The following GNA13 variants were observed in gnomAD, a reference collection of about 807,000 sequenced individuals.
GNA13 encodes G protein subunit alpha 13.
GNA13 carries 4 observed loss-of-function variants against 33.5 expected under a neutral mutation model. That is an observed-to-expected ratio of 0.12 (90% CI 0.06 to 0.27). GNA13 has a LOEUF of 0.27. Ranked by LOEUF, GNA13 falls within the 10% of genes least tolerant of loss-of-function variation. The pLI, the probability that GNA13 is intolerant of heterozygous loss-of-function variation, is 1.00. For synonymous variants in GNA13, 176 were observed against 183.8 expected (o/e 0.96, Z 0.34); for missense variants, 319 against 487.2 (o/e 0.65, Z 3.25).
At chr17:65,037,916 A>C (rs571239442) in intron 2 of GNA13, among the ~76,000 whole-genome samples, 14 of 152,066 alleles carry the variant, frequency 9.2e-5, no homozygotes, top group South Asian at 6.2e-4. Flanking sequence ...TATCTCCTAG[A>C]TACAAACACC....
Position 65,051,240 on chromosome 17 carries a change from A to C in GNA13, c.510+2262T>G, listed in dbSNP as rs73341844. ...TTCTCTGACCTGGAAGGATGAATAG[A>C]GCCTGACAAAATTGAGTTGAAAGTG... On this transcript the variant is annotated intron_variant, in intron 2 of 3. Transcript: ENST00000439174. 6.4e-3 allele frequency among the ~76,000 whole-genome samples: 971 copies of C among 152,340 alleles called. 8 individuals carry two copies. Among genetic ancestry groups the C allele is most frequent in the Middle Eastern group, 0.02 (6 of 294 alleles).
At chr17:65,028,838 T>C (rs1906898730) in intron 2 of GNA13, among the ~76,000 whole-genome samples, 1 of 152,140 alleles carries the variant, frequency 6.6e-6, no homozygotes, top group African/African-American at 2.4e-5. Flanking sequence ...CCTACACACC[T>C]TCCAGAGAGC....
rs768924741 is a variant in GNA13 at position 65,047,636 on chromosome 17, CATTA to C, written c.510+5862_510+5865del. On this transcript the variant is annotated intron_variant, in intron 2 of 3. Coordinates refer to ENST00000439174, the MANE Select transcript of GNA13 (RefSeq NM_006572.6). Reference sequence around the variant, plus strand: ...AATATTTAAAGCAAATCCAAATTAGCATTAATTAATAAATGACTCTGATTCTTTT... The same window carrying C: ...AATATTTAAAGCAAATCCAAATTAGCATTAATAAATGACTCTGATTCTTTT... Among the ~76,000 whole-genome samples, 3 of 148,346 alleles carry C rather than the reference CATTA, an allele frequency of 2.0e-5. No individual in the cohort carries two copies. The East Asian group carries it at 6.0e-4, about 30-fold the overall frequency.
At chr17:65,029,584 G>A (rs758517388) in intron 2 of GNA13, among the ~76,000 whole-genome samples, 1 of 150,742 alleles carries the variant, frequency 6.6e-6, no homozygotes, top group Admixed American at 6.7e-5. Flanking sequence ...CCCAACTCTC[G>A]GTAATCATAC....
At chr17:65,024,594 A>G (rs1906705578) in intron 2 of GNA13, among the ~76,000 whole-genome samples, 1 of 152,192 alleles carries the variant, frequency 6.6e-6, no homozygotes, top group South Asian at 2.1e-4. Flanking sequence ...TTCTAGACCA[A>G]TGATACTTAA....
chr17:65,012,846 C>CTTG lies in GNA13; in HGVS notation c.*1408_*1410dup, dbSNP rs1331781577. 5.5e-5 allele frequency: 12 copies of CTTG among 219,028 alleles called. No individual in the cohort carries two copies. The highest frequency in any genetic ancestry group is 2.3e-4 in the Admixed American group (4 of 17,260). The allele number at this position is 219,028 out of a possible 1,614,324, so 13.6% of individuals were successfully genotyped here. ...TCAGACTTTTCAAGCTGTCGCCAGC[C>CTTG]TTGGACTTCTGTTTCTCTAATTGTA... On this transcript the variant is annotated 3_prime_UTR_variant, in exon 4 of 4. Transcript: ENST00000439174.
intron 2 of GNA13, among the ~76,000 whole-genome samples, chr17:65,050,011 G>A (rs901841409): frequency 6.6e-6 from 1 of 152,172 alleles, no homozygotes; most frequent in African/African-American, 2.4e-5. Flanking sequence ...AGATTACAGA[G>A]TATGTCCAGT....
chr17:65,035,694 C>T (rs1004395499), intron 2 of GNA13, among the ~76,000 whole-genome samples: 2 of 151,876 alleles, frequency 1.3e-5, no homozygotes, highest in Non-Finnish European at 2.9e-5. Flanking sequence ...GGTTAAAATA[C>T]TTTTTTGAAA....
intron 2 of GNA13, among the ~76,000 whole-genome samples, chr17:65,042,387 C>G (rs1907490646): frequency 6.7e-6 from 1 of 149,080 alleles, no homozygotes. Context: ...AGAACCACAT[C>G]ATAAGTTTTT....
At chr17:65,018,653 T>C (rs1275686868) in intron 2 of GNA13, among the ~76,000 whole-genome samples, 2 of 152,214 alleles carry the variant, frequency 1.3e-5, no homozygotes, top group African/African-American at 4.8e-5. Flanking sequence ...TAAATCTACA[T>C]ATAAAATTTA....
At chr17:65,056,026 G>T (rs1255464751) in intron 1 of GNA13, among the ~76,000 whole-genome samples, 59 of 152,120 alleles carry the variant, frequency 3.9e-4, no homozygotes, top group Non-Finnish European at 4.4e-5. Flanking sequence ...CCTCTCGCAG[G>T]GGGAGAGACC....
chr17:65,056,625 C>T lies in GNA13; in HGVS notation c.-32G>A, dbSNP rs1210621380. On this transcript the variant is annotated 5_prime_UTR_variant, in exon 1 of 4. Coordinates refer to ENST00000439174, the MANE Select transcript of GNA13 (RefSeq NM_006572.6). ...GCCGCCGCCGCCGCCTCGGCGGGCCCCTCCGGCTCCCTCCACCTCCTCCTC... is the reference window on the plus strand; with the variant it reads ...GCCGCCGCCGCCGCCTCGGCGGGCCTCTCCGGCTCCCTCCACCTCCTCCTC... 2.5e-6 allele frequency: 4 copies of T among 1,578,652 alleles called. No individual in the cohort carries two copies. The highest frequency in any genetic ancestry group is 3.4e-6 in the Non-Finnish European group (4 of 1,164,366).
intron 2 of GNA13, among the ~76,000 whole-genome samples, chr17:65,031,939 T>A (rs988359431): frequency 3.0e-4 from 45 of 149,086 alleles, no homozygotes; most frequent in African/African-American, 1.1e-3. Flanking sequence ...TGTGTGTGTG[T>A]GTGTGTGTGT....
In GNA13 at chr17:65,014,290, C is replaced by A. The variant is rs41306353; in HGVS notation, c.1101G>T (p.Leu367=). 12 of 1,611,700 alleles carry A rather than the reference C, an allele frequency of 7.4e-6. No homozygotes were observed. Among genetic ancestry groups the A allele is most frequent in the Non-Finnish European group, 1.0e-5 (12 of 1,177,800 alleles). The change falls in exon 4 of 4, where the codon CTG becomes CTT. Residue 367 remains leucine (L), a synonymous_variant. Coordinates refer to ENST00000439174, the MANE Select transcript of GNA13 (RefSeq NM_006572.6). This position sits in a 1 kb window ranked among gnomAD's most constrained non-coding sequence, Gnocchi z 5.3. Reference sequence around the variant, plus strand: ...GCATAAGCTGCTTGAGGTTGTCATGCAGAATAGTATCCTTCACGTCACGGA... The same window carrying A: ...GCATAAGCTGCTTGAGGTTGTCATGAAGAATAGTATCCTTCACGTCACGGA... ...LVFRDVKDTI[L]HDNLKQLMLQ
Position 65,010,590 on chromosome 17 carries a change from T to C in GNA13, c.*3667A>G, listed in dbSNP as rs774140364. 1.0e-4 allele frequency: 21 copies of C among 205,952 alleles called. No homozygotes were observed. The highest frequency in any genetic ancestry group is 2.1e-4 in the Non-Finnish European group (21 of 100,650). 12.8% of individuals were successfully genotyped at this position (205,952 alleles called of 1,614,324 possible). On this transcript the variant is annotated 3_prime_UTR_variant, in exon 4 of 4. Coordinates refer to ENST00000439174, the MANE Select transcript of GNA13 (RefSeq NM_006572.6). ...CTGTGATTAACAGAAGCGAACGCCT[T>C]AAAATGATGGGAGAGAGACAAATTA...
intron 2 of GNA13, among the ~76,000 whole-genome samples, chr17:65,026,830 G>T (rs574810669): frequency 6.6e-6 from 1 of 152,286 alleles, no homozygotes; most frequent in East Asian, 1.9e-4. Flanking sequence ...CCAGGCTGGG[G>T]TGCAATGGCA....
In GNA13 at chr17:65,011,613, T is replaced by C. The variant is rs1906192420; in HGVS notation, c.*2644A>G. ...ATTTCTTCAAGGTCAATGAAGACAC[T>C]TGTGTGATATTTCCTCAGAATTAAA... On this transcript the variant is annotated 3_prime_UTR_variant, in exon 4 of 4. Transcript: ENST00000439174. 6 of 219,342 alleles carry C rather than the reference T, an allele frequency of 2.7e-5. No homozygotes were observed. The Admixed American group carries it at 3.5e-4, about 13-fold the overall frequency. The allele number at this position is 219,342 out of a possible 1,614,324, so 13.6% of individuals were successfully genotyped here.
chr17:65,011,575 C>T lies in GNA13; in HGVS notation c.*2682G>A, dbSNP rs1906190494. ...TCTAAATTTATGTTGTTTTATAAGGCAACTGTATATACATTTCTTCAAGGT... is the reference window on the plus strand; with the variant it reads ...TCTAAATTTATGTTGTTTTATAAGGTAACTGTATATACATTTCTTCAAGGT... On this transcript the variant is annotated 3_prime_UTR_variant, in exon 4 of 4. Transcript: ENST00000439174. 1 of 210,402 alleles carries T rather than the reference C, an allele frequency of 4.8e-6. No homozygotes were observed. The highest frequency in any genetic ancestry group is 2.3e-5 in the African/African-American group (1 of 44,008). 13.0% of individuals were successfully genotyped at this position (210,402 alleles called of 1,614,324 possible).
chr17:65,019,802 C>CATTGGTT (rs1469580282), intron 2 of GNA13, among the ~76,000 whole-genome samples: 2 of 152,118 alleles, frequency 1.3e-5, no homozygotes, highest in African/African-American at 4.8e-5. Flanking sequence ...TTTAAGTGTA[C>CATTGGTT]ATTTAGAAAT....
Sources: allele counts gnomAD v4.1 joint callset (sites outside exome capture counted in the v4.1 genomes callset), GRCh38; gene constraint gnomAD v4.1.1; non-coding constraint Gnocchi (gnomAD v3.1); transcripts MANE v1.5; gene names NCBI Gene and HGNC (gene_info 2026-07-23, HGNC 2026-07-21).